The following PTBP3 variants were observed in gnomAD, a reference collection of about 807,000 sequenced individuals.
PTBP3 encodes polypyrimidine tract binding protein 3.
In PTBP3, 20 loss-of-function variants were observed where a neutral mutation model predicts 58.7. The observed-to-expected ratio is 0.34, with a 90% CI of 0.24 to 0.50. The LOEUF is 0.50. PTBP3 is among the 20% of genes least tolerant of loss of function. The pLI is 0.98. For synonymous variants in PTBP3, 185 were observed against 219.8 expected, an observed-to-expected ratio of 0.84 and a Z score of 1.40; for missense variants, 509 against 637.2, an observed-to-expected ratio of 0.80 and a Z score of 2.17.
intron 7 of PTBP3, among the ~76,000 whole-genome samples, chr9:112,239,568 T>C (rs1158697990): frequency 1.3e-5 from 2 of 151,618 alleles, no homozygotes; most frequent in Admixed American, 6.6e-5. Context: ...CGCCTCTCTA[T>C]AAAAACTTTG....
chr9:112,324,997 T>C (rs774938176), intron 1 of PTBP3, among the ~76,000 whole-genome samples: 2 of 152,196 alleles, frequency 1.3e-5, no homozygotes, highest in Non-Finnish European at 2.9e-5. Flanking sequence ...CTCCTAGTCA[T>C]GGATTGAATG....
At chr9:112,231,058 C>T (rs1355922168) in intron 10 of PTBP3, among the ~76,000 whole-genome samples, 1 of 142,528 alleles carries the variant, frequency 7.0e-6, no homozygotes, top group African/African-American at 3.0e-5. Context: ...CATCTCTCCC[C>T]TCTCCCCTCC....
At chr9:112,228,750 T>C (rs1309935044) in intron 10 of PTBP3, among the ~76,000 whole-genome samples, 1 of 152,192 alleles carries the variant, frequency 6.6e-6, no homozygotes, top group Non-Finnish European at 1.5e-5. Context: ...TGTAGATAAA[T>C]ACCATCATTC....
At chr9:112,295,882 G>T (rs1030541069) in intron 2 of PTBP3, among the ~76,000 whole-genome samples, 2 of 152,150 alleles carry the variant, frequency 1.3e-5, no homozygotes, top group African/African-American at 2.4e-5. Context: ...TGTAGGTAAA[G>T]GTTCGGGGAA....
At chr9:112,332,137 C>T (rs1270675529) in intron 1 of PTBP3, among the ~76,000 whole-genome samples, 1 of 152,074 alleles carries the variant, frequency 6.6e-6, no homozygotes, top group Non-Finnish European at 1.5e-5. Context: ...GCTTCAATTC[C>T]CCCCCAAAAT....
At chr9:112,241,203 A>C (rs988198627) in intron 7 of PTBP3, among the ~76,000 whole-genome samples, 8 of 152,252 alleles carry the variant, frequency 5.3e-5, no homozygotes, top group Middle Eastern at 6.8e-3. Flanking sequence ...TCCTGGGTTC[A>C]AGCAATTCTC....
intron 1 of PTBP3, among the ~76,000 whole-genome samples, chr9:112,309,713 G>A (rs1829395810): frequency 6.6e-6 from 1 of 151,974 alleles, no homozygotes; most frequent in South Asian, 2.1e-4. Context: ...GCTTCAACCA[G>A]GGAGGTGGAG....
At chr9:112,327,078 G>C (rs1439548547) in intron 1 of PTBP3, among the ~76,000 whole-genome samples, 1 of 151,624 alleles carries the variant, frequency 6.6e-6, no homozygotes, top group East Asian at 1.9e-4. Context: ...ACATTAGCTG[G>C]GTGTGGTCCT....
At chr9:112,345,515 G>A in the PTBP3 span, among the ~76,000 whole-genome samples, 1 of 151,318 alleles carries the variant, frequency 6.6e-6, no homozygotes, top group South Asian at 2.1e-4. Flanking sequence ...AGCTGGGACC[G>A]CAGGAGCACA....
At chr9:112,270,126 T>C (rs763361360) in intron 3 of PTBP3, among the ~76,000 whole-genome samples, 2 of 152,016 alleles carry the variant, frequency 1.3e-5, no homozygotes, top group Non-Finnish European at 2.9e-5. Flanking sequence ...TTTGGGTTTA[T>C]AGTAGAGACA....
chr9:112,264,212 A>T (rs1836709606), intron 4 of PTBP3, among the ~76,000 whole-genome samples: 1 of 152,228 alleles, frequency 6.6e-6, no homozygotes, highest in Non-Finnish European at 1.5e-5. Context: ...TATTTCTCAG[A>T]TTGAGAAGAA....
chr9:112,288,888 T>C (rs1275560631), intron 2 of PTBP3, among the ~76,000 whole-genome samples: 1 of 152,246 alleles, frequency 6.6e-6, no homozygotes, highest in Non-Finnish European at 1.5e-5. Context: ...CCGCATTTCT[T>C]GCTATGAAAA....
intron 1 of PTBP3, among the ~76,000 whole-genome samples, chr9:112,324,119 AAG>A (rs1413197605): frequency 6.6e-6 from 1 of 152,118 alleles, no homozygotes; most frequent in Admixed American, 6.5e-5. Flanking sequence ...GAAATATTTA[AAG>A]AGTTTTTTTA....
chr9:112,322,658 G>A (rs1174100283), intron 1 of PTBP3, among the ~76,000 whole-genome samples: 1 of 152,124 alleles, frequency 6.6e-6, no homozygotes, highest in Non-Finnish European at 1.5e-5. Flanking sequence ...AAAATTACAA[G>A]GTGTGTTTAA....
At chr9:112,292,286 A>G (rs1466664875) in intron 2 of PTBP3, among the ~76,000 whole-genome samples, 1 of 152,222 alleles carries the variant, frequency 6.6e-6, no homozygotes, top group Non-Finnish European at 1.5e-5. Context: ...AAAAATAAGT[A>G]TTCACAAGGA....
chr9:112,290,099 A>C (rs1398266588), intron 2 of PTBP3, among the ~76,000 whole-genome samples: 1 of 152,236 alleles, frequency 6.6e-6, no homozygotes, highest in African/African-American at 2.4e-5. Context: ...ATTTCTGTTT[A>C]ACAAAAGCCA....
intron 1 of PTBP3, among the ~76,000 whole-genome samples, chr9:112,315,393 C>T (rs1829661930): frequency 6.6e-6 from 1 of 151,222 alleles, no homozygotes. Context: ...AAAGAGAAGT[C>T]CCAAGGAAGA....
chr9:112,327,224 AT>A (rs1265439677), intron 1 of PTBP3, among the ~76,000 whole-genome samples: 23 of 151,704 alleles, frequency 1.5e-4, no homozygotes, highest in African/African-American at 5.6e-4. Context: ...AAAAAAAAAA[AT>A]AGCAAATACG....
At position 112,333,582 on chromosome 9, in the gene PTBP3, T is replaced by G. The variant is rs540656025; in HGVS notation, c.-164A>C. ...GTTCCGGGGACAAGCGAGCTTTGGC[T>G]CTGCGGAGCCCCGGCCGGTCCGAGG... On this transcript the variant is annotated 5_prime_UTR_variant, in exon 1 of 14. Coordinates refer to ENST00000374257, the MANE Select transcript of PTBP3 (RefSeq NM_001163788.4). The G allele has an allele frequency of 8.7e-4, 1,223 of 1,400,252 alleles. No homozygotes were observed. The highest frequency in any genetic ancestry group is 1.8e-3 in the Admixed American group (95 of 53,882). 86.7% of individuals were successfully genotyped at this position (1,400,252 alleles called of 1,614,324 possible).
Sources: gnomAD v4.1 joint callset for allele counts (sites outside exome capture counted in the v4.1 genomes callset) on GRCh38, gnomAD v4.1.1 for gene constraint, MANE v1.5 for transcripts, NCBI Gene and HGNC (gene_info 2026-07-23, HGNC 2026-07-21) for gene names.